PTPRG: variants seen among roughly 807,000 people sequenced by gnomAD.
The protein encoded by PTPRG is receptor-type tyrosine-protein phosphatase gamma.
A neutral mutation model predicts 165.3 loss-of-function variants in PTPRG; 102 were observed. The ratio of observed to expected loss-of-function variants is 0.62; its 90% CI spans 0.53 to 0.73. The LOEUF (loss-of-function observed/expected upper bound fraction) is 0.73. Ranked by LOEUF, PTPRG falls within the 30% of genes least tolerant of loss-of-function variation. PTPRG has a pLI of 0.00. For synonymous variants in PTPRG, 675 were observed against 669.5 expected (o/e 1.01, Z -0.13); for missense variants, 1,866 against 1,861.4 (o/e 1.00, Z -0.05).
At chr3:61,603,970 CA>C (rs1700932329) in intron 1 of PTPRG, among the ~76,000 whole-genome samples, 3 of 152,210 alleles carry the variant, frequency 2.0e-5, no homozygotes, top group Non-Finnish European at 2.9e-5. Flanking sequence ...AATCATGTCA[CA>C]TTCTGAGGTA....
At chr3:61,691,928 G>A (rs1280263368) in intron 1 of PTPRG, among the ~76,000 whole-genome samples, 3 of 152,186 alleles carry the variant, frequency 2.0e-5, no homozygotes, top group Non-Finnish European at 4.4e-5. Flanking sequence ...ATAAAAAGGG[G>A]ATGTTTACAT....
In PTPRG at chr3:62,293,626, A is replaced by G. The variant is rs534660221; in HGVS notation, c.*319A>G. On this transcript the variant is annotated 3_prime_UTR_variant, in exon 30 of 30. Transcript: ENST00000474889. Reference sequence around the variant, plus strand: ...ATACATGCTACTTTTTTTTAGTTCAATACAGTGAAGGTCTTTGTTATGACA... The same window carrying G: ...ATACATGCTACTTTTTTTTAGTTCAGTACAGTGAAGGTCTTTGTTATGACA... 68 of 195,846 alleles carry G rather than the reference A, an allele frequency of 3.5e-4. No individual in the cohort carries two copies. Among genetic ancestry groups the G allele is most frequent in the African/African-American group, 6.9e-4 (30 of 43,170 alleles). The allele number at this position is 195,846 out of a possible 1,614,324, so 12.1% of individuals were successfully genotyped here.
intron 5 of PTPRG, among the ~76,000 whole-genome samples, chr3:62,111,590 C>T (rs1702667608): frequency 6.6e-6 from 1 of 152,134 alleles, no homozygotes; most frequent in Non-Finnish European, 1.5e-5. Flanking sequence ...GCTGAGACTA[C>T]AGGCACGCAT....
chr3:61,769,399 G>A (rs745567594), intron 2 of PTPRG: 1 of 152,138 alleles, frequency 6.6e-6, no homozygotes, highest in Non-Finnish European at 1.5e-5. Flanking sequence ...TCAGCTTCCT[G>A]AGTAGCTGAG....
intron 4 of PTPRG, among the ~76,000 whole-genome samples, chr3:62,077,278 A>T (rs62675660): frequency 1.7e-5 from 2 of 119,870 alleles, no homozygotes; most frequent in Non-Finnish European, 3.8e-5. Context: ...TTGTTTGTTT[A>T]AAAAAAAAAA....
chr3:62,242,452 G>C (rs1701181047), intron 14 of PTPRG, among the ~76,000 whole-genome samples: 1 of 152,182 alleles, frequency 6.6e-6, no homozygotes, highest in Non-Finnish European at 1.5e-5. Flanking sequence ...ATTGATTCTA[G>C]AGCACTATCC....
At chr3:62,119,899 G>GCTGGAATTAC (rs1703002470) in intron 5 of PTPRG, among the ~76,000 whole-genome samples, 1 of 150,584 alleles carries the variant, frequency 6.6e-6, no homozygotes, top group South Asian at 2.1e-4. Flanking sequence ...CTCCCAAAGT[G>GCTGGAATTAC]CTGGAATTAC....
intron 1 of PTPRG, among the ~76,000 whole-genome samples, chr3:61,664,772 G>A (rs1702758806): frequency 6.6e-6 from 1 of 152,066 alleles, no homozygotes; most frequent in African/African-American, 2.4e-5. Context: ...CGGAGGTTGC[G>A]GTGAGCCGAG....
chr3:61,867,902 A>C (rs2037455026), intron 2 of PTPRG, among the ~76,000 whole-genome samples: 1 of 152,134 alleles, frequency 6.6e-6, no homozygotes, highest in South Asian at 2.1e-4. Flanking sequence ...GCTTGGGTGC[A>C]GTGGTCTTTC....
At chr3:61,762,424 CA>C (rs368582707) in intron 2 of PTPRG, among the ~76,000 whole-genome samples, 27 of 152,070 alleles carry the variant, frequency 1.8e-4, no homozygotes, top group African/African-American at 5.8e-4. Flanking sequence ...CCAGCCTGGC[CA>C]ACGTGGTGAA....
chr3:62,271,407 C>T lies in PTPRG; in HGVS notation c.3034C>T (p.Arg1012Cys). The T allele has an allele frequency of 1.2e-6, 2 of 1,608,228 alleles. No homozygotes were observed. The highest frequency in any genetic ancestry group is 1.7e-6 in the Non-Finnish European group (2 of 1,177,524). ...GGGTCAGAAGGGAAATCCCAAGGGT[C>T]GTCAGAATGAAAGGGTAGTGATCCA... Reference protein sequence around the residue: ...KKGQKGNPKGRQNERVVIQYH... With the variant: ...KKGQKGNPKGCQNERVVIQYH... The change falls in exon 21 of 30, where the codon CGT becomes TGT. Residue 1012 changes from arginine to cysteine, a missense_variant. This residue lies in a region of PTPRG where 1,452 missense variants were observed against 1,463.0 expected (regional missense o/e 0.99). Transcript: ENST00000474889. This position sits in a 1 kb window ranked among gnomAD's most constrained non-coding sequence, Gnocchi z 4.1.
chr3:61,624,346 C>T (rs763843381), intron 1 of PTPRG, among the ~76,000 whole-genome samples: 15 of 152,172 alleles, frequency 9.9e-5, no homozygotes, highest in Non-Finnish European at 2.2e-4. Context: ...CTACATTTCC[C>T]AACTTCCCAT....
intron 2 of PTPRG, among the ~76,000 whole-genome samples, chr3:61,928,608 T>C (rs2039283947): frequency 6.6e-6 from 1 of 152,232 alleles, no homozygotes; most frequent in South Asian, 2.1e-4. Flanking sequence ...TTTGGGATTC[T>C]CCCTAAAACA....
chr3:62,154,516 A>G (rs1704463039), intron 6 of PTPRG, among the ~76,000 whole-genome samples: 1 of 152,140 alleles, frequency 6.6e-6, no homozygotes, highest in Non-Finnish European at 1.5e-5. Context: ...GAACTTACAT[A>G]AGAGTCCGAC....
At chr3:62,079,803 T>C (rs1488913665) in intron 5 of PTPRG, among the ~76,000 whole-genome samples, 1 of 152,220 alleles carries the variant, frequency 6.6e-6, no homozygotes, top group Non-Finnish European at 1.5e-5. Flanking sequence ...CTTTTCAATC[T>C]CAGTATCCTT....
chr3:61,569,566 A>T (rs1291157347), intron 1 of PTPRG, among the ~76,000 whole-genome samples: 1 of 152,040 alleles, frequency 6.6e-6, no homozygotes, highest in Non-Finnish European at 1.5e-5. Context: ...TGATCCTCCT[A>T]CCTCAACTTC....
intron 2 of PTPRG, among the ~76,000 whole-genome samples, chr3:61,863,763 C>T (rs2037334631): frequency 6.6e-6 from 1 of 152,184 alleles, no homozygotes; most frequent in South Asian, 2.1e-4. Context: ...TCATAGCATT[C>T]TGAACATACC....
At position 62,079,957 on chromosome 3, in the gene PTPRG, A is replaced by T. The variant is rs113310419; in HGVS notation, c.615+1699A>T. Among the ~76,000 whole-genome samples, 868 of 151,762 alleles carry T rather than the reference A, an allele frequency of 5.7e-3. 7 individuals are homozygous for T. The highest frequency in any genetic ancestry group is 0.02 in the African/African-American group (824 of 41,362). On this transcript the variant is annotated intron_variant, in intron 5 of 29. Coordinates refer to ENST00000474889, the MANE Select transcript of PTPRG (RefSeq NM_002841.4). ...CTATAGCCCTCCATGTTTCTGTGGG[A>T]TGGAGACCCCATGGTATACATATTA...
chr3:62,022,309 G>A (rs1039329773), intron 4 of PTPRG, among the ~76,000 whole-genome samples: 2 of 152,172 alleles, frequency 1.3e-5, no homozygotes, highest in Admixed American at 6.5e-5. Flanking sequence ...TCCAGCTTAC[G>A]TTTGTAAGAA....
Sources: gnomAD v4.1 joint callset for allele counts (sites outside exome capture counted in the v4.1 genomes callset) on GRCh38, gnomAD v4.1.1 for gene constraint, gnomAD v4.1.1 regional missense constraint, Gnocchi (gnomAD v3.1) non-coding constraint, MANE v1.5 for transcripts, NCBI Gene and HGNC (gene_info 2026-07-23, HGNC 2026-07-21) for gene names.